CLSTN2: variants seen among roughly 807,000 people sequenced by gnomAD.
CLSTN2 encodes calsyntenin 2, also known as calsyntenin-2.
CLSTN2 carries 48 observed loss-of-function variants against 101.2 expected under a neutral mutation model. That is an observed-to-expected ratio of 0.47 (90% CI 0.38 to 0.60). The LOEUF is 0.60. Ranked by LOEUF, CLSTN2 falls within the 20% of genes least tolerant of loss-of-function variation. The probability of loss-of-function intolerance (pLI) is 0.00; values close to 1 mark genes in which losing one functional copy is unlikely to be tolerated. For missense variants in CLSTN2, 1,160 were observed against 1,238.2 expected, an observed-to-expected ratio of 0.94 and a Z score of 0.95; for synonymous variants, 481 against 463.6, an observed-to-expected ratio of 1.04 and a Z score of -0.48.
chr3:140,248,918 T>A (rs887929912), intron 2 of CLSTN2, among the ~76,000 whole-genome samples: 1 of 152,198 alleles, frequency 6.6e-6, no homozygotes, highest in Non-Finnish European at 1.5e-5. Flanking sequence ...TATCTGATTT[T>A]AAAAGGAGAG....
intron 8 of CLSTN2, among the ~76,000 whole-genome samples, chr3:140,515,790 T>G (rs891560992): frequency 4.6e-5 from 7 of 152,144 alleles, no homozygotes; most frequent in African/African-American, 1.7e-4. Context: ...TATCATATGG[T>G]CTATCTTGGA....
chr3:140,436,602 C>G (rs569365145), intron 5 of CLSTN2, among the ~76,000 whole-genome samples: 1 of 152,226 alleles, frequency 6.6e-6, no homozygotes, highest in Non-Finnish European at 1.5e-5. Context: ...GCCCCTGTGG[C>G]TTGGGTGTTC....
chr3:140,291,588 T>G (rs1309540235), intron 2 of CLSTN2, among the ~76,000 whole-genome samples: 2 of 151,878 alleles, frequency 1.3e-5, no homozygotes, highest in Non-Finnish European at 2.9e-5. Context: ...TTTCTGCCCC[T>G]TCCTCCAAAA....
At chr3:140,027,941 A>C (rs1473622574) in intron 1 of CLSTN2, among the ~76,000 whole-genome samples, 1 of 152,178 alleles carries the variant, frequency 6.6e-6, no homozygotes, top group African/African-American at 2.4e-5. Flanking sequence ...GGGGCCACTT[A>C]CTTGCCCTCT....
At chr3:140,244,329 G>A (rs1262652731) in intron 2 of CLSTN2, among the ~76,000 whole-genome samples, 1 of 152,188 alleles carries the variant, frequency 6.6e-6, no homozygotes, top group Non-Finnish European at 1.5e-5. Context: ...TTATTGTAGT[G>A]TGAAGCCAAA....
In CLSTN2 at chr3:140,375,713, A is replaced by G. The variant is rs552740325; in HGVS notation, c.233-27916A>G. On this transcript the variant is annotated intron_variant, in intron 2 of 16. Transcript: ENST00000458420. ...AACTTTTATTTTGGGCCTTATTTTT[A>G]TCTTGCTCATTTTTATTTTAGCCCT... Among the ~76,000 whole-genome samples, 30 of 151,972 alleles carry G rather than the reference A, an allele frequency of 2.0e-4. No homozygotes were observed. The South Asian group carries it at 2.7e-3, about 14-fold the overall frequency.
intron 7 of CLSTN2, among the ~76,000 whole-genome samples, 186 bp downstream of exon 7, chr3:140,459,955 T>C (rs9857171): frequency 0.38 from 57,204 of 151,940 alleles, 12,784 homozygotes; most frequent in Middle Eastern, 0.52. Context: ...TGGCTTGACG[T>C]AGAGCAGGAG....
chr3:140,503,959 C>T (rs1934633816), intron 8 of CLSTN2, among the ~76,000 whole-genome samples: 2 of 152,096 alleles, frequency 1.3e-5, no homozygotes, highest in Non-Finnish European at 2.9e-5. Context: ...CCATCTTCAG[C>T]CTCCCCTTTC....
intron 2 of CLSTN2, among the ~76,000 whole-genome samples, chr3:140,339,356 G>A (rs1043641013): frequency 6.6e-6 from 1 of 152,066 alleles, no homozygotes; most frequent in Non-Finnish European, 1.5e-5. Flanking sequence ...CAAGGAAATG[G>A]TATTTAGACC....
intron 1 of CLSTN2, among the ~76,000 whole-genome samples, chr3:140,165,118 T>G: frequency 6.6e-6 from 1 of 152,188 alleles, no homozygotes; most frequent in East Asian, 1.9e-4. Flanking sequence ...TCATCTTCTG[T>G]GGATATTTTT....
At chr3:140,152,941 A>G (rs572053375) in intron 1 of CLSTN2, among the ~76,000 whole-genome samples, 17 of 152,360 alleles carry the variant, frequency 1.1e-4, no homozygotes, top group Admixed American at 2.6e-4. Flanking sequence ...CTTTTCTTAC[A>G]TGCACTAAAT....
intron 1 of CLSTN2, among the ~76,000 whole-genome samples, chr3:140,029,449 A>T (rs1172160572): frequency 1.3e-5 from 2 of 152,216 alleles, no homozygotes; most frequent in African/African-American, 4.8e-5. Context: ...AAAATAGAAC[A>T]GCTGATACGG....
At chr3:140,192,413 T>G (rs891327809) in intron 2 of CLSTN2, among the ~76,000 whole-genome samples, 2 of 152,060 alleles carry the variant, frequency 1.3e-5, no homozygotes, top group Admixed American at 1.3e-4. Flanking sequence ...AATTTTAAAT[T>G]ACAATAATAG....
intron 1 of CLSTN2, among the ~76,000 whole-genome samples, chr3:140,092,267 G>T (rs1031643578): frequency 1.3e-4 from 20 of 152,170 alleles, no homozygotes; most frequent in African/African-American, 4.6e-4. Context: ...CACACTTTTG[G>T]ACATGCTGGA....
chr3:140,077,258 T>A (rs2008507643), intron 1 of CLSTN2, among the ~76,000 whole-genome samples: 1 of 152,176 alleles, frequency 6.6e-6, no homozygotes, highest in Non-Finnish European at 1.5e-5. Flanking sequence ...CTGGGCCTCT[T>A]CTGTCCTAGT....
intron 1 of CLSTN2, among the ~76,000 whole-genome samples, chr3:140,113,157 C>T (rs2009183089): frequency 6.6e-6 from 1 of 152,202 alleles, no homozygotes; most frequent in African/African-American, 2.4e-5. Context: ...TGGAAATCGG[C>T]AAACACTACA....
At chr3:140,367,231 G>A (rs1046147501) in intron 2 of CLSTN2, among the ~76,000 whole-genome samples, 18 of 151,952 alleles carry the variant, frequency 1.2e-4, no homozygotes, top group African/African-American at 2.4e-4. Flanking sequence ...CCAAAAGACC[G>A]AGAAGCAATG....
intron 2 of CLSTN2, among the ~76,000 whole-genome samples, chr3:140,343,748 C>G (rs531636773): frequency 6.6e-6 from 1 of 152,204 alleles, no homozygotes; most frequent in Non-Finnish European, 1.5e-5. Flanking sequence ...TAAGTTTATA[C>G]GGTTATTCTA....
chr3:140,101,036 C>T (rs967969620), intron 1 of CLSTN2, among the ~76,000 whole-genome samples: 2 of 152,190 alleles, frequency 1.3e-5, no homozygotes, highest in Non-Finnish European at 2.9e-5. Flanking sequence ...AAAGAAGCAC[C>T]TGGTACACTG....
Sources: gnomAD v4.1 joint callset for allele counts (sites outside exome capture counted in the v4.1 genomes callset) on GRCh38, gnomAD v4.1.1 for gene constraint, MANE v1.5 for transcripts, NCBI Gene and HGNC (gene_info 2026-07-23, HGNC 2026-07-21) for gene names.